The following VWC2 variants were observed in gnomAD, a reference collection of about 807,000 sequenced individuals.
VWC2 encodes the protein brorin.
In VWC2, 14 loss-of-function variants were observed where a neutral mutation model predicts 29.8. The ratio of observed to expected loss-of-function variants is 0.47; its 90% confidence interval spans 0.31 to 0.74. The LOEUF (loss-of-function observed/expected upper bound fraction) is 0.74. Ranked by LOEUF, VWC2 falls within the 30% of genes least tolerant of loss-of-function variation. The pLI, the probability that VWC2 is intolerant of heterozygous loss-of-function variation, is 0.05. For missense variants in VWC2, 457 were observed against 459.8 expected (o/e 0.99, Z 0.05); for synonymous variants, 213 against 199.0 (o/e 1.07, Z -0.59).
chr7:49,787,040 G>A (rs114935555), intron 2 of VWC2, among the ~76,000 whole-genome samples: 9 of 152,230 alleles, frequency 5.9e-5, no homozygotes, highest in African/African-American at 1.9e-4. Context: ...CATCAAGTAG[G>A]TGAACACTTC....
At chr7:49,900,018 T>C (rs1437264472) in intron 3 of VWC2, among the ~76,000 whole-genome samples, 2 of 151,782 alleles carry the variant, frequency 1.3e-5, no homozygotes, top group Non-Finnish European at 3.0e-5. Context: ...AATAGAAAGA[T>C]ACCTGGAAAG....
At chr7:49,787,021 A>T (rs918384985) in intron 2 of VWC2, among the ~76,000 whole-genome samples, 2 of 152,168 alleles carry the variant, frequency 1.3e-5, no homozygotes, top group Non-Finnish European at 1.5e-5. Flanking sequence ...GCTCAGCCTT[A>T]GGCCAAATCA....
At chr7:49,812,078 C>G (rs1789024091) in intron 3 of VWC2, among the ~76,000 whole-genome samples, 2 of 152,120 alleles carry the variant, frequency 1.3e-5, no homozygotes, top group Non-Finnish European at 2.9e-5. Flanking sequence ...TTTTATGCTT[C>G]TATTTCTTTG....
chr7:49,898,015 A>G (rs1204886184), intron 3 of VWC2, among the ~76,000 whole-genome samples: 1 of 152,194 alleles, frequency 6.6e-6, no homozygotes, highest in Non-Finnish European at 1.5e-5. Flanking sequence ...TTAACCTGCT[A>G]GGGTTTTATC....
At position 49,871,242 on chromosome 7, in the gene VWC2, T is replaced by TA. The variant is rs747406301; in HGVS notation, c.827-40786dup. Among the ~76,000 whole-genome samples, 4 of 152,226 alleles carry TA rather than the reference T, an allele frequency of 2.6e-5. No homozygotes were observed. The East Asian group carries it at 7.7e-4, about 29-fold the overall frequency. On this transcript the variant is annotated intron_variant, in intron 3 of 3. Coordinates refer to ENST00000340652, the MANE Select transcript of VWC2 (RefSeq NM_198570.5). ...ATGAGGCTTCTTACAGCCTTCCATG[T>TA]AAAAAATTGGGCATTTTTGCCTAAA...
Position 49,914,182 on chromosome 7 carries a change from C to A in VWC2, c.*1997C>A, listed in dbSNP as rs1483084768. Reference sequence around the variant, plus strand: ...CCATGGGTAGGTGGGCCATTAGTAACCTCTTCTCTCTCCATCAGGCATGAT... The same window carrying A: ...CCATGGGTAGGTGGGCCATTAGTAAACTCTTCTCTCTCCATCAGGCATGAT... On this transcript the variant is annotated 3_prime_UTR_variant, in exon 4 of 4. Transcript: ENST00000340652. The A allele has an allele frequency of 1.3e-5, 2 of 152,240 alleles. No individual in the cohort carries two copies. Among genetic ancestry groups the A allele is most frequent in the Non-Finnish European group, 2.9e-5 (2 of 68,046 alleles). 9.4% of individuals were successfully genotyped at this position (152,240 alleles called of 1,614,324 possible). A position where few individuals can be genotyped will look rare whatever the true frequency, so the allele number is the denominator to read the frequency against.
intron 3 of VWC2, among the ~76,000 whole-genome samples, chr7:49,905,324 C>T (rs983288190): frequency 1.3e-5 from 2 of 152,206 alleles, no homozygotes; most frequent in Non-Finnish European, 1.5e-5. Flanking sequence ...ATCTCCACCA[C>T]AGCAGCCACT....
chr7:49,787,706 C>T (rs1788331734), intron 2 of VWC2, among the ~76,000 whole-genome samples: 1 of 152,208 alleles, frequency 6.6e-6, no homozygotes, highest in Non-Finnish European at 1.5e-5. Context: ...AAGAATATGG[C>T]TTTTGACAAG....
intron 2 of VWC2, among the ~76,000 whole-genome samples, chr7:49,800,960 A>G (rs1457466756): frequency 2.0e-5 from 3 of 151,946 alleles, no homozygotes; most frequent in Admixed American, 6.6e-5. Context: ...CTAAGGCTAC[A>G]TTGCCAACCA....
chr7:49,861,011 G>A lies in VWC2; in HGVS notation c.827-51023G>A, dbSNP rs563002442. ...CCAGTCTGTGGTATTTTAAATGGTAGCTCTAGGGAACTAAGAAAGTAACTC... is the reference window on the plus strand; with the variant it reads ...CCAGTCTGTGGTATTTTAAATGGTAACTCTAGGGAACTAAGAAAGTAACTC... On this transcript the variant is annotated intron_variant, in intron 3 of 3. Transcript: ENST00000340652. Among the ~76,000 whole-genome samples the A allele has an allele frequency of 7.9e-5, 12 of 152,326 alleles. No individual in the cohort carries two copies. In the South Asian group the frequency reaches 2.5e-3, roughly 32 times the overall value.
At chr7:49,828,725 A>C (rs141075857) in intron 3 of VWC2, among the ~76,000 whole-genome samples, 48 of 152,216 alleles carry the variant, frequency 3.2e-4, no homozygotes, top group African/African-American at 1.1e-3. Context: ...TCCCACGGTT[A>C]ATCAGTTCTG....
intron 3 of VWC2, among the ~76,000 whole-genome samples, chr7:49,867,203 T>C (rs1790931454): frequency 6.6e-6 from 1 of 152,188 alleles, no homozygotes. Flanking sequence ...TCTAAAGAGA[T>C]CGAAACTTTG....
chr7:49,856,050 CT>C (rs1790404454), intron 3 of VWC2, among the ~76,000 whole-genome samples: 1 of 152,190 alleles, frequency 6.6e-6, no homozygotes, highest in African/African-American at 2.4e-5. Flanking sequence ...ATAAGGCTGC[CT>C]TTCAGGGCTG....
At chr7:49,875,397 A>AAAAAAAC (rs1791371337) in intron 3 of VWC2, among the ~76,000 whole-genome samples, 1 of 140,714 alleles carries the variant, frequency 7.1e-6, no homozygotes, top group Middle Eastern at 3.4e-3. Context: ...AAAAAAAAAA[A>AAAAAAAC]CAGGAATAAA....
rs187248121 is a variant in VWC2, at chr7:49,886,894, T to C, written c.827-25140T>C. On this transcript the variant is annotated intron_variant, in intron 3 of 3. Transcript: ENST00000340652. ...TTCAATTGTTGGACCTCGTAAGACT[T>C]CTTCTACCCTAATTTCTACTTTATG... Among the ~76,000 whole-genome samples, 6 of 152,314 alleles carry C rather than the reference T, an allele frequency of 3.9e-5. No homozygotes were observed. The East Asian group carries it at 1.2e-3, about 29-fold the overall frequency.
chr7:49,899,711 C>A (rs1792604905), intron 3 of VWC2, among the ~76,000 whole-genome samples: 1 of 151,848 alleles, frequency 6.6e-6, no homozygotes, highest in Non-Finnish European at 1.5e-5. Context: ...ACAGGTGAAT[C>A]CACTTTTATA....
chr7:49,872,915 C>CAAAAAAAAAA (rs61473396), intron 3 of VWC2, among the ~76,000 whole-genome samples: 23 of 33,928 alleles, frequency 6.8e-4, no homozygotes, highest in South Asian at 3.3e-3. Context: ...GACTTTGTCT[C>CAAAAAAAAAA]AAAAAAAAAA....
intron 3 of VWC2, among the ~76,000 whole-genome samples, chr7:49,825,878 T>C (rs879483739): frequency 7.7e-4 from 117 of 152,342 alleles, no homozygotes; most frequent in Admixed American, 2.2e-3. Context: ...TATTCCTCGG[T>C]TGGCCAGAGT....
At chr7:49,862,860 A>G (rs1227951750) in intron 3 of VWC2, among the ~76,000 whole-genome samples, 1 of 151,990 alleles carries the variant, frequency 6.6e-6, no homozygotes, top group Non-Finnish European at 1.5e-5. Context: ...ATGCTGTTGT[A>G]TTCACTTTGC....
Sources: allele counts gnomAD v4.1 joint callset (sites outside exome capture counted in the v4.1 genomes callset), GRCh38; gene constraint gnomAD v4.1.1; transcripts MANE v1.5; gene names NCBI Gene and HGNC (gene_info 2026-07-23, HGNC 2026-07-21).